CYBB: variants seen among roughly 807,000 people sequenced by gnomAD.
The protein encoded by CYBB is NADPH oxidase 2.
CYBB carries 5 observed loss-of-function variants against 46.5 expected under a neutral mutation model. That is an observed-to-expected ratio of 0.11 (90% CI 0.06 to 0.23). CYBB has a LOEUF of 0.23. CYBB is among the 10% of genes least tolerant of loss of function. The pLI, the probability that CYBB is intolerant of heterozygous loss-of-function variation, is 1.00. For synonymous variants in CYBB, 183 were observed against 156.7 expected (o/e 1.17, Z -1.26); for missense variants, 307 against 428.3 (o/e 0.72, Z 2.50).
chrX:37,791,829 G>A, intron 3 of CYBB, 146 bp from the exon 4 acceptor site: 1 of 494,265 alleles, frequency 2.0e-6, no homozygotes, highest in Non-Finnish European at 3.6e-6. Context: ...CTGAACCTCA[G>A]TTTCCTCATT....
Position 37,810,785 on chromosome X carries a change from C to T in CYBB, c.1587-6C>T, listed in dbSNP as rs369705608. 7.5e-6 allele frequency: 9 copies of T among 1,205,862 alleles called. No homozygotes were observed. The African/African-American group carries it at 1.4e-4, about 19-fold the overall frequency. ...TGAAATTGTCTTTTTTTTTCTTTCC[C>T]AAAAGTACCAGAATAGGAGTTTTCC... On this transcript the variant is annotated splice_polypyrimidine_tract_variant and splice_region_variant and intron_variant, in intron 12 of 12. Transcript: ENST00000378588.
At chrX:37,806,931 T>A (rs1428406875) in intron 11 of CYBB, among the ~76,000 whole-genome samples, 1 of 109,836 alleles carries the variant, frequency 9.1e-6, no homozygotes, top group Non-Finnish European at 1.9e-5. Flanking sequence ...AAACAGACAC[T>A]CCCCAACTTA....
Position 37,805,024 on chromosome X carries a change from C to T in CYBB, c.1170C>T (p.Pro390=), listed in dbSNP as rs1382291401. 1 of 1,210,260 alleles carries T rather than the reference C, an allele frequency of 8.3e-7. No individual in the cohort carries two copies. The highest frequency in any genetic ancestry group is 1.1e-6 in the Non-Finnish European group (1 of 895,101). ...WKLPKIAVDG[P]FGTASEDVFS... is the part of the protein sequence containing the mutation. ...CCTTCAGGATAGCGGTTGATGGGCC[C>T]TTTGGCACTGCCAGTGAAGATGTGT... Residue 390 remains proline (P), a synonymous_variant, in exon 10 of 13, where the codon CCC becomes CCT. Transcript: ENST00000378588.
intron 3 of CYBB, among the ~76,000 whole-genome samples, chrX:37,790,136 C>A (rs1161721803): frequency 8.9e-6 from 1 of 111,854 alleles, no homozygotes; most frequent in Admixed American, 9.4e-5. Flanking sequence ...GAATAAAAAA[C>A]CCTTTGGGAT....
At chrX:37,802,300 T>A (rs1402031539) in intron 8 of CYBB, among the ~76,000 whole-genome samples, 1 of 111,719 alleles carries the variant, frequency 9.0e-6, no homozygotes, top group Non-Finnish European at 1.9e-5. Flanking sequence ...ATCCCACAGA[T>A]CAGCAAAAAC....
chrX:37,794,347 G>A (rs187616617), intron 5 of CYBB, among the ~76,000 whole-genome samples: 174 of 111,387 alleles, frequency 1.6e-3, no homozygotes, highest in Non-Finnish European at 2.6e-3. Context: ...TTTCTAGGAG[G>A]CAGAGGGAAC....
At chrX:37,794,719 C>G (rs782390950) in intron 5 of CYBB, among the ~76,000 whole-genome samples, 1 of 111,514 alleles carries the variant, frequency 9.0e-6, no homozygotes, top group Non-Finnish European at 1.9e-5. Context: ...CTTCTTCTAT[C>G]CCAGCAGTTG....
intron 4 of CYBB, among the ~76,000 whole-genome samples, chrX:37,792,283 T>C (rs1929213843): frequency 8.9e-6 from 1 of 111,777 alleles, no homozygotes; most frequent in Admixed American, 9.5e-5. Context: ...GATTTTCCTA[T>C]AAAAATGAAA....
chrX:37,811,064 G>A lies in CYBB; in HGVS notation c.*147G>A, dbSNP rs780798131. 38 of 531,446 alleles carry A rather than the reference G, an allele frequency of 7.2e-5. No individual in the cohort carries two copies. The highest frequency in any genetic ancestry group is 1.1e-4 in the Non-Finnish European group (36 of 330,295). 43.8% of individuals were successfully genotyped at this position (531,446 alleles called of 1,213,427 possible). A position where few individuals can be genotyped will look rare whatever the true frequency, so the allele number is the denominator to read the frequency against. The stretch of plus-strand genomic sequence containing the variant: ...TTCCCTTAAAGGAATGTCAAAGATT[G>A]TTTGATAGTGATAAGTTACATTTAT... On this transcript the variant is annotated 3_prime_UTR_variant, in exon 13 of 13. Transcript: ENST00000378588.
intron 8 of CYBB, among the ~76,000 whole-genome samples, chrX:37,803,605 G>A (rs1329961374): frequency 9.0e-6 from 1 of 111,417 alleles, no homozygotes; most frequent in Non-Finnish European, 1.9e-5. Flanking sequence ...GATACTACAG[G>A]GAGTGTGGAA....
chrX:37,791,989 A>G lies in CYBB; in HGVS notation c.267A>G (p.Arg89=). ...LRGSSACCST[R]VRRQLDRNLT... ...TTAATCCAAAGTGCTGCTCAACAAG[A>G]GTTCGAAGACAACTGGACAGGAATC... Residue 89 remains arginine, a synonymous_variant, in exon 4 of 13, where the codon AGA becomes AGG. Transcript: ENST00000378588. 1.7e-6 allele frequency: 2 copies of G among 1,205,114 alleles called. No homozygotes were observed. The highest frequency in any genetic ancestry group is 3.5e-5 in the South Asian group (2 of 56,856).
At chrX:37,794,950 A>G (rs1303967835) in intron 5 of CYBB, among the ~76,000 whole-genome samples, 2 of 111,924 alleles carry the variant, frequency 1.8e-5, no homozygotes, top group African/African-American at 6.5e-5. Flanking sequence ...ATCATAAAAA[A>G]CAGATTTTTT....
rs781908342 is a variant in CYBB, at chrX:37,780,140, A to G, written c.45+18A>G. On this transcript the variant is annotated intron_variant, in intron 1 of 12. Transcript: ENST00000378588. ...TTGTCATTGTAAGTACCAACAAGAG[A>G]TAAGTTATAAATTCTCTGACTTCTC... 7 of 1,179,814 alleles carry G rather than the reference A, an allele frequency of 5.9e-6. No individual in the cohort carries two copies. The Admixed American group carries it at 1.5e-4, about 26-fold the overall frequency.
chrX:37,806,510 C>G lies in CYBB; in HGVS notation c.1438C>G (p.Leu480Val), dbSNP rs1556471698. Reference protein sequence around the residue: ...NAGFLSYNIYLTGWDESQANH... With the variant: ...NAGFLSYNIYVTGWDESQANH... ...CGGCTTCCTCAGCTACAACATCTACCTCACTGGCTGGGATGAGTCTCAGGT... is the reference window on the plus strand; with the variant it reads ...CGGCTTCCTCAGCTACAACATCTACGTCACTGGCTGGGATGAGTCTCAGGT... The change falls in exon 11 of 13, where the codon CTC (leucine) becomes GTC (valine). Residue 480 changes from leucine (L) to valine (V), a missense_variant. Around this residue, in one of 3 missense-constraint regions of CYBB, gnomAD observed 122 missense variants for 208.3 expected, o/e 0.59. Transcript: ENST00000378588. The G allele has an allele frequency of 8.3e-7, 1 of 1,210,930 alleles. No homozygotes were observed. Among genetic ancestry groups the G allele is most frequent in the Non-Finnish European group, 1.1e-6 (1 of 895,073 alleles).
intron 3 of CYBB, among the ~76,000 whole-genome samples, chrX:37,784,682 G>A (rs1466026117): frequency 9.0e-6 from 1 of 111,466 alleles, no homozygotes; most frequent in Non-Finnish European, 1.9e-5. Context: ...TTAATGACTA[G>A]TAGCTTCTAG....
rs921143164 is a variant in CYBB at position 37,810,991 on chromosome X, A to G, written c.*74A>G. On this transcript the variant is annotated 3_prime_UTR_variant, in exon 13 of 13. Coordinates refer to ENST00000378588, the MANE Select transcript of CYBB (RefSeq NM_000397.4). ...CAAATAATGCTAATTGATAATATAA[A>G]TACCCCCTGCTTAAAAATGGACAAA... 3 of 956,243 alleles carry G rather than the reference A, an allele frequency of 3.1e-6. No homozygotes were observed. In the East Asian group the frequency reaches 9.7e-5, roughly 31 times the overall value. 78.8% of individuals were successfully genotyped at this position (956,243 alleles called of 1,213,427 possible).
intron 3 of CYBB, among the ~76,000 whole-genome samples, chrX:37,786,622 T>C (rs1190538128): frequency 1.8e-5 from 2 of 111,051 alleles, no homozygotes; most frequent in Non-Finnish European, 3.8e-5. Flanking sequence ...CCAGGAAAGG[T>C]AGGGGTAAAG....
Position 37,805,170 on chromosome X carries a change from T to C in CYBB, c.1314+2T>C. 8.3e-7 allele frequency: 1 copy of C among 1,210,072 alleles called. No homozygotes were observed. Among genetic ancestry groups the C allele is most frequent in the Non-Finnish European group, 1.1e-6 (1 of 894,232 alleles). On this transcript the variant is annotated splice_donor_variant, in intron 10 of 12. Transcript: ENST00000378588. LOFTEE classifies it high-confidence loss of function. ...GCCACCAATCTGAAGCTCAAAAAGG[T>C]AAGTCCTTTCATTTATCGGAGGGCC...
chrX:37,802,714 G>A (rs201413550), intron 8 of CYBB, among the ~76,000 whole-genome samples: 20 of 112,084 alleles, frequency 1.8e-4, no homozygotes, highest in Middle Eastern at 4.6e-3. Context: ...TTCTGGAAAC[G>A]TTTGACATTT....
Sources: allele counts gnomAD v4.1 joint callset (sites outside exome capture counted in the v4.1 genomes callset), GRCh38; gene constraint gnomAD v4.1.1; regional missense constraint gnomAD v4.1.1; transcripts MANE v1.5; gene names NCBI Gene and HGNC (gene_info 2026-07-23, HGNC 2026-07-21).